Variants in PLEKHA5 observed in about 807,000 individuals in gnomAD.
PLEKHA5 encodes the protein pleckstrin homology domain-containing family A member 5.
In PLEKHA5, 55 loss-of-function variants were observed where a neutral mutation model predicts 181.9. That is an observed-to-expected ratio of 0.30 (90% confidence interval 0.24 to 0.38). PLEKHA5 has a LOEUF of 0.38. Among genes scored for constraint, PLEKHA5 ranks in the 10% least tolerant of loss-of-function variants. The probability of loss-of-function intolerance (pLI) is 1.00; values close to 1 mark genes in which losing one functional copy is unlikely to be tolerated. For missense variants in PLEKHA5, 1,432 were observed against 1,549.5 expected (o/e 0.92, Z 1.27); for synonymous variants, 535 against 529.4 (o/e 1.01, Z -0.15).
chr12:19,326,402 C>A (rs1265498519), intron 20 of PLEKHA5, among the ~76,000 whole-genome samples: 1 of 152,112 alleles, frequency 6.6e-6, no homozygotes, highest in Non-Finnish European at 1.5e-5. Context: ...ACAGTCAGTT[C>A]ATAGCACTAG....
rs541490446 is a variant in PLEKHA5 at position 19,299,339 on chromosome 12, GT to G, written c.2037+7645del. Among the ~76,000 whole-genome samples the G allele has an allele frequency of 4.6e-3, 694 of 152,302 alleles. 7 individuals are homozygous for G. The highest frequency in any genetic ancestry group is 6.8e-3 in the Non-Finnish European group (466 of 68,032). On this transcript the variant is annotated intron_variant, in intron 15 of 31. Transcript: ENST00000429027. The stretch of plus-strand genomic sequence containing the variant: ...TTAGCTGATTACATGTTGGCATGGT[GT>G]TTGCTCAGGAGAACAAAGGCTACCA...
chr12:19,239,815 G>C (rs562339006), intron 3 of PLEKHA5, among the ~76,000 whole-genome samples: 1 of 152,140 alleles, frequency 6.6e-6, no homozygotes, highest in Non-Finnish European at 1.5e-5. Flanking sequence ...CTTCCGTGAT[G>C]CCTTCTCTGC....
chr12:19,201,506 C>G (rs1479085188), intron 3 of PLEKHA5: 3 of 152,006 alleles, frequency 2.0e-5, no homozygotes, highest in African/African-American at 7.2e-5. Flanking sequence ...AAAACGTGTG[C>G]ACACAAAGAT....
chr12:19,307,569 A>G (rs772355931), intron 15 of PLEKHA5: 7 of 326,066 alleles, frequency 2.1e-5, no homozygotes, highest in Non-Finnish European at 4.3e-5. Flanking sequence ...AAGGCATTCA[A>G]GATCACATTC....
At position 19,169,083 on chromosome 12, in the gene PLEKHA5, G is replaced by A. The variant is rs574354135; in HGVS notation, c.227+36633G>A. Among the ~76,000 whole-genome samples, 16 of 152,228 alleles carry A rather than the reference G, an allele frequency of 1.1e-4. No individual in the cohort carries two copies. The South Asian group carries it at 1.5e-3, about 14-fold the overall frequency. ...TATTCTGTTTGTAGTCCTAGAAAACGTGGCATATTTTCCTTATTTTTACTC... is the reference window on the plus strand; with the variant it reads ...TATTCTGTTTGTAGTCCTAGAAAACATGGCATATTTTCCTTATTTTTACTC... On this transcript the variant is annotated intron_variant, in intron 3 of 31. Transcript: ENST00000429027.
chr12:19,347,783 C>A (rs2153203116), intron 24 of PLEKHA5, among the ~76,000 whole-genome samples: 1 of 151,994 alleles, frequency 6.6e-6, no homozygotes, highest in East Asian at 1.9e-4. Flanking sequence ...CTTAGACTAC[C>A]TTGTGAATGA....
At chr12:19,348,834 G>T (rs976820793) in intron 25 of PLEKHA5, among the ~76,000 whole-genome samples, 1 of 151,966 alleles carries the variant, frequency 6.6e-6, no homozygotes. Context: ...ATGGTGGCAC[G>T]TGCCTGAATC....
chr12:19,160,835 G>C (rs933869480), intron 3 of PLEKHA5, among the ~76,000 whole-genome samples: 4 of 151,938 alleles, frequency 2.6e-5, no homozygotes, highest in Admixed American at 2.0e-4. Flanking sequence ...TTAATTTGTA[G>C]GGGTGTAGAG....
chr12:19,149,009 T>C (rs534652024), intron 3 of PLEKHA5, among the ~76,000 whole-genome samples: 2 of 152,272 alleles, frequency 1.3e-5, no homozygotes, highest in Admixed American at 1.3e-4. Flanking sequence ...TAAAGTCCTT[T>C]GGGGTTGTGA....
chr12:19,132,652 A>T (rs2034276549), intron 3 of PLEKHA5, among the ~76,000 whole-genome samples: 1 of 152,102 alleles, frequency 6.6e-6, no homozygotes, highest in African/African-American at 2.4e-5. Context: ...TTTGCCTGGA[A>T]TATTCATCGA....
chr12:19,187,082 T>G (rs1161880827), intron 3 of PLEKHA5, among the ~76,000 whole-genome samples: 1 of 152,204 alleles, frequency 6.6e-6, no homozygotes, highest in Non-Finnish European at 1.5e-5. Flanking sequence ...TCTTTATCAG[T>G]ACTCTAAAGT....
At chr12:19,132,354 A>G in intron 2 of PLEKHA5, 39 bp from the exon 3 acceptor site, 1 of 953,142 alleles carries the variant, frequency 1.0e-6, no homozygotes, top group South Asian at 1.4e-5. Context: ...TTTTGCTATC[A>G]TTGAAGTAAT....
intron 15 of PLEKHA5, among the ~76,000 whole-genome samples, chr12:19,302,906 A>ATTTT (rs34702332): frequency 0.051 from 2,755 of 54,234 alleles, 409 homozygotes; most frequent in Middle Eastern, 0.23. Flanking sequence ...TCTGTATGAA[A>ATTTT]TTTTTTTTTT....
intron 26 of PLEKHA5, 151 bp downstream of exon 26, chr12:19,354,153 T>A: frequency 3.3e-6 from 1 of 298,666 alleles, no homozygotes; most frequent in Non-Finnish European, 5.9e-6. Flanking sequence ...CTTTTTTTTT[T>A]TTTTTTTTTT....
At chr12:19,194,511 A>G (rs1334306045) in intron 3 of PLEKHA5, among the ~76,000 whole-genome samples, 2 of 152,200 alleles carry the variant, frequency 1.3e-5, no homozygotes, top group Admixed American at 1.3e-4. Context: ...GTTTATTGAG[A>G]AATCTTCATA....
rs35536570 is a variant in PLEKHA5, at chr12:19,253,064, C to CTTTTTTT, written c.228-856_228-850dup. 4.2e-3 allele frequency among the ~76,000 whole-genome samples: 191 copies of CTTTTTTT among 45,868 alleles called. 27 individuals are homozygous for CTTTTTTT. Among genetic ancestry groups the CTTTTTTT allele is most frequent in the Admixed American group, 4.8e-3 (14 of 2,938 alleles). The allele number at this position is 45,868 out of a possible 152,430, so 30.1% of individuals were successfully genotyped here. A position where few individuals can be genotyped will look rare whatever the true frequency, so the allele number is the denominator to read the frequency against. ...GAGCTAAACAGCCAAATCAACTTAC[C>CTTTTTTT]TTTTTTTTTTTTTTTTTTTTTTTTT... On this transcript the variant is annotated intron_variant, in intron 3 of 31. Transcript: ENST00000429027.
In PLEKHA5 at chr12:19,269,845, A is replaced by T. The variant is rs1233698551; in HGVS notation, c.787A>T (p.Met263Leu). The T allele has an allele frequency of 6.2e-7, 1 of 1,606,806 alleles. No individual in the cohort carries two copies. Among genetic ancestry groups the T allele is most frequent in the Non-Finnish European group, 8.5e-7 (1 of 1,173,446 alleles). Reference sequence around the variant, plus strand: ...GGAAATGGAGTTGTGGATGAAAGCCATGTTAGATGCTGCCCTAGTACAGAC... The same window carrying T: ...GGAAATGGAGTTGTGGATGAAAGCCTTGTTAGATGCTGCCCTAGTACAGAC... ...GKEMELWMKA[M>L]LDAALVQTEP... Residue 263 changes from methionine to leucine, a missense_variant, in exon 9 of 32, where the codon ATG becomes TTG. This residue lies in a region of PLEKHA5 where 289 missense variants were observed against 381.1 expected (regional missense o/e 0.76). Coordinates refer to ENST00000429027, the MANE Select transcript of PLEKHA5 (RefSeq NM_001256470.2).
At chr12:19,338,481 C>G (rs1404568884) in intron 21 of PLEKHA5, among the ~76,000 whole-genome samples, 1 of 151,972 alleles carries the variant, frequency 6.6e-6, no homozygotes, top group Non-Finnish European at 1.5e-5. Flanking sequence ...TAGCTGGGCA[C>G]TTGTGGTCCC....
At chr12:19,366,688 T>A (rs1488900524) in intron 30 of PLEKHA5, among the ~76,000 whole-genome samples, 1 of 152,040 alleles carries the variant, frequency 6.6e-6, no homozygotes, top group African/African-American at 2.4e-5. Flanking sequence ...ACTTGGAAAA[T>A]CTATCTGTTC....
Sources: gnomAD v4.1 joint callset for allele counts (sites outside exome capture counted in the v4.1 genomes callset) on GRCh38, gnomAD v4.1.1 for gene constraint, gnomAD v4.1.1 regional missense constraint, MANE v1.5 for transcripts, NCBI Gene and HGNC (gene_info 2026-07-23, HGNC 2026-07-21) for gene names.